Variants in PKIG observed in about 807,000 individuals in gnomAD.
PKIG encodes the protein protein kinase (cAMP-dependent, catalytic) inhibitor gamma.
A neutral mutation model predicts 6.8 loss-of-function variants in PKIG; 1 was observed. That is an observed-to-expected ratio of 0.15 (90% CI 0.05 to 0.69). The LOEUF (loss-of-function observed/expected upper bound fraction) is 0.69, where lower values mean the gene tolerates loss of function less well. Ranked by LOEUF, PKIG falls within the 30% of genes least tolerant of loss-of-function variation. PKIG has a pLI of 0.82. For missense variants in PKIG, 77 were observed against 104.0 expected (o/e 0.74, Z 1.13); for synonymous variants, 39 against 43.0 (o/e 0.91, Z 0.36).
At chr20:44,579,638 CA>C (rs2064930505), upstream of PKIG, among the ~76,000 whole-genome samples, 1 of 152,168 alleles carries the variant, frequency 6.6e-6, no homozygotes, top group Non-Finnish European at 1.5e-5. Context: ...GGCCCCAGCC[CA>C]CATAAGTGTG....
At chr20:44,545,080 C>T (rs572972913) in intron 1 of PKIG, among the ~76,000 whole-genome samples, 2 of 151,676 alleles carry the variant, frequency 1.3e-5, no homozygotes, top group Admixed American at 6.6e-5. Context: ...GGATTACAGG[C>T]GTGCCCCACC....
chr20:44,593,961 A>G (rs1407539259), intron 2 of PKIG, among the ~76,000 whole-genome samples: 1 of 152,234 alleles, frequency 6.6e-6, no homozygotes. Context: ...AGTATGGTTT[A>G]TAGCATATGG....
upstream of PKIG, among the ~76,000 whole-genome samples, chr20:44,577,917 G>A (rs2064912888): frequency 6.6e-6 from 1 of 152,212 alleles, no homozygotes; most frequent in African/African-American, 2.4e-5. Context: ...AGTGTTGGAA[G>A]TGGGCCCTGG....
intron 1 of PKIG, chr20:44,564,293 G>A (rs2064792190): frequency 6.6e-6 from 1 of 152,188 alleles, no homozygotes; most frequent in Admixed American, 6.5e-5. Context: ...TCACCCAAAG[G>A]AATTGGAATG....
intron 1 of PKIG, among the ~76,000 whole-genome samples, chr20:44,552,773 T>C (rs1300623583): frequency 6.6e-6 from 1 of 152,190 alleles, no homozygotes; most frequent in Non-Finnish European, 1.5e-5. Context: ...GTAGTTGTTA[T>C]TGTAAGGGAG....
chr20:44,580,741 CTGTTTTCTTGGA>C (rs1323155834), upstream of PKIG, among the ~76,000 whole-genome samples: 1 of 152,116 alleles, frequency 6.6e-6, no homozygotes, highest in Non-Finnish European at 1.5e-5. Context: ...CTAATATAGC[CTGTTTTCTTGGA>C]TGTTTTCTGA....
chr20:44,618,343 C>G lies in PKIG; in HGVS notation c.210C>G (p.Ser70Arg). 1 of 1,612,104 alleles carries G rather than the reference C, an allele frequency of 6.2e-7. No homozygotes were observed. The highest frequency in any genetic ancestry group is 8.5e-7 in the Non-Finnish European group (1 of 1,178,118). Residue 70 changes from serine (S) to arginine (R), a missense_variant, in exon 4 of 4, where the codon AGC becomes AGG. Transcript: ENST00000372886. ...DKEAGNQPQS[S>R]DGTTSS ...AAGCTGGCAACCAGCCCCAGAGCAGCGATGGGACCACCTCGTCTTGAATCT... is the reference window on the plus strand; with the variant it reads ...AAGCTGGCAACCAGCCCCAGAGCAGGGATGGGACCACCTCGTCTTGAATCT...
intron 1 of PKIG, among the ~76,000 whole-genome samples, chr20:44,575,130 C>A (rs1226648013): frequency 6.6e-6 from 1 of 152,154 alleles, no homozygotes; most frequent in African/African-American, 2.4e-5. Flanking sequence ...CAGCTCACTG[C>A]AACCTCCACC....
At chr20:44,565,811 G>A (rs2064805554) in intron 1 of PKIG, among the ~76,000 whole-genome samples, 1 of 152,166 alleles carries the variant, frequency 6.6e-6, no homozygotes, top group African/African-American at 2.4e-5. Context: ...CGCCCAGGCT[G>A]GAGTGCAGTG....
intron 1 of PKIG, among the ~76,000 whole-genome samples, chr20:44,571,893 C>T (rs919184580): frequency 1.3e-5 from 2 of 152,196 alleles, no homozygotes; most frequent in Non-Finnish European, 2.9e-5. Context: ...TTGTTTGTAA[C>T]GTGTATATGA....
chr20:44,558,574 T>TCTTTCTTTC (rs1555835144), intron 1 of PKIG, among the ~76,000 whole-genome samples: 12 of 131,898 alleles, frequency 9.1e-5, no homozygotes, highest in African/African-American at 2.8e-4. Context: ...TTTTTTTCTT[T>TCTTTCTTTC]TTTCTTTCTT....
At chr20:44,597,696 G>T (rs1368622167) in intron 2 of PKIG, among the ~76,000 whole-genome samples, 2 of 152,118 alleles carry the variant, frequency 1.3e-5, no homozygotes, top group Non-Finnish European at 2.9e-5. Context: ...GGGCATGCTG[G>T]GTCCTCCCCG....
intron 1 of PKIG, among the ~76,000 whole-genome samples, chr20:44,540,206 C>G (rs6103768): frequency 6.6e-6 from 1 of 152,196 alleles, no homozygotes. Flanking sequence ...AGTGATCAAC[C>G]TGCCTCAGCC....
intron 2 of PKIG, among the ~76,000 whole-genome samples, chr20:44,611,754 A>C (rs866010773): frequency 1.1e-4 from 16 of 146,520 alleles, no homozygotes; most frequent in African/African-American, 3.0e-4. Flanking sequence ...CTCCTGACCT[A>C]GTGATCCACC....
intron 1 of PKIG, among the ~76,000 whole-genome samples, chr20:44,573,876 T>G (rs2064874002): frequency 6.6e-6 from 1 of 152,240 alleles, no homozygotes; most frequent in South Asian, 2.1e-4. Context: ...GTATTCAGTT[T>G]ATAGATGTAG....
At chr20:44,551,265 A>G (rs1030459816) in intron 1 of PKIG, among the ~76,000 whole-genome samples, 1 of 152,136 alleles carries the variant, frequency 6.6e-6, no homozygotes, top group Non-Finnish European at 1.5e-5. Flanking sequence ...CGTGTTAGCC[A>G]GGATAGTCTT....
At chr20:44,597,226 G>T (rs1043124940) in intron 2 of PKIG, among the ~76,000 whole-genome samples, 1 of 27,920 alleles carries the variant, frequency 3.6e-5, no homozygotes, top group African/African-American at 1.4e-4. Context: ...CCCCCCACCC[G>T]GCATTATTAG....
At chr20:44,574,944 A>G (rs1029221674) in intron 1 of PKIG, among the ~76,000 whole-genome samples, 1 of 152,208 alleles carries the variant, frequency 6.6e-6, no homozygotes, top group Admixed American at 6.5e-5. Context: ...ATAATTAATA[A>G]TCCTTTATTA....
intron 1 of PKIG, among the ~76,000 whole-genome samples, chr20:44,575,724 G>A (rs2064891289): frequency 2.0e-5 from 3 of 152,154 alleles, no homozygotes; most frequent in African/African-American, 7.2e-5. Flanking sequence ...ATCAATCCTA[G>A]GCAGTTCATT....
Sources: gnomAD v4.1 joint callset for allele counts (sites outside exome capture counted in the v4.1 genomes callset) on GRCh38, gnomAD v4.1.1 for gene constraint, MANE v1.5 for transcripts, NCBI Gene and HGNC (gene_info 2026-07-23, HGNC 2026-07-21) for gene names.